SYTL2: variants seen among roughly 807,000 people sequenced by gnomAD.
The protein encoded by SYTL2 is synaptotagmin like 2.
SYTL2 carries 165 observed loss-of-function variants against 198.7 expected under a neutral mutation model. The ratio of observed to expected loss-of-function variants is 0.83; its 90% CI spans 0.73 to 0.94. The LOEUF (loss-of-function observed/expected upper bound fraction) is 0.94. SYTL2 is among the 40% of genes least tolerant of loss of function. SYTL2 has a pLI of 0.00. For synonymous variants in SYTL2, 966 were observed against 917.7 expected, an observed-to-expected ratio of 1.05 and a Z score of -0.95; for missense variants, 2,835 against 2,582.8, an observed-to-expected ratio of 1.10 and a Z score of -2.12.
At chr11:85,717,808 A>C in intron 10 of SYTL2, 1 of 482,458 alleles carries the variant, frequency 2.1e-6, no homozygotes, top group Non-Finnish European at 4.0e-6. Flanking sequence ...GGAGCACTGG[A>C]CTAGGAGTAA....
At chr11:85,820,696 A>C in the SYTL2 span, among the ~76,000 whole-genome samples, 1 of 152,232 alleles carries the variant, frequency 6.6e-6, no homozygotes, top group African/African-American at 2.4e-5. Flanking sequence ...ATCAATCAGT[A>C]AGTATTGATA....
intron 1 of SYTL2, among the ~76,000 whole-genome samples, chr11:85,781,914 G>A (rs1417826864): frequency 6.6e-6 from 1 of 152,206 alleles, no homozygotes; most frequent in Admixed American, 6.5e-5. Context: ...AGTGTCTACA[G>A]CTTTTCCAGG....
At chr11:85,812,601 A>G (rs1311926310), upstream of SYTL2, among the ~76,000 whole-genome samples, 1 of 152,254 alleles carries the variant, frequency 6.6e-6, no homozygotes, top group Admixed American at 6.5e-5. Flanking sequence ...AATAAAAAAT[A>G]CAAATGTGAC....
At chr11:85,733,344 A>C (rs1240563545) in intron 7 of SYTL2, among the ~76,000 whole-genome samples, 1 of 152,198 alleles carries the variant, frequency 6.6e-6, no homozygotes, top group East Asian at 1.9e-4. Context: ...TTAACTAAAA[A>C]CATTGTCATT....
intron 18 of SYTL2, chr11:85,696,637 G>A (rs2083449894): frequency 2.0e-6 from 1 of 508,584 alleles, no homozygotes; most frequent in Non-Finnish European, 3.5e-6. Flanking sequence ...TGCATTTTAG[G>A]GAAAGTTACT....
intron 1 of SYTL2, among the ~76,000 whole-genome samples, chr11:85,787,777 A>C (rs1187083159): frequency 1.4e-5 from 2 of 143,804 alleles, no homozygotes; most frequent in Non-Finnish European, 3.0e-5. Flanking sequence ...ATGGAGGAAG[A>C]CACCTGAAAA....
chr11:85,706,360 C>A (rs925707420), intron 15 of SYTL2, among the ~76,000 whole-genome samples: 9 of 152,180 alleles, frequency 5.9e-5, no homozygotes, highest in African/African-American at 2.2e-4. Context: ...TGGTCCCTAC[C>A]CTCATGGAAC....
At chr11:85,748,780 G>T (rs112497686) in intron 2 of SYTL2, among the ~76,000 whole-genome samples, 1 of 152,170 alleles carries the variant, frequency 6.6e-6, no homozygotes, top group African/African-American at 2.4e-5. Flanking sequence ...TTCCTTATCC[G>T]TAAAAAAGCA....
chr11:85,735,037 C>T (rs61908787), intron 6 of SYTL2, among the ~76,000 whole-genome samples: 1 of 152,088 alleles, frequency 6.6e-6, no homozygotes, highest in South Asian at 2.1e-4. Flanking sequence ...CTGATGTAAA[C>T]GATGTACTTT....
chr11:85,695,027 T>C lies in SYTL2; in HGVS notation c.*168A>G. On this transcript the variant is annotated 3_prime_UTR_variant, in exon 20 of 20. Coordinates refer to ENST00000359152, the MANE Select transcript of SYTL2 (RefSeq NM_206927.4). ...CACATTTTGTTATATTTAAATCCCT[T>C]GGGCCTTGTAATCAAAGAAGCACAT... 1.9e-6 allele frequency: 1 copy of C among 539,272 alleles called. No individual in the cohort carries two copies. Among genetic ancestry groups the C allele is most frequent in the East Asian group, 3.0e-5 (1 of 33,644 alleles). 33.4% of individuals were successfully genotyped at this position (539,272 alleles called of 1,614,324 possible).
At chr11:85,699,465 T>A (rs1362729169) in intron 17 of SYTL2, among the ~76,000 whole-genome samples, 4 of 152,158 alleles carry the variant, frequency 2.6e-5, no homozygotes, top group Non-Finnish European at 5.9e-5. Context: ...ACAAATTATA[T>A]GCAAAAGAAT....
chr11:85,830,416 T>C, the SYTL2 span, among the ~76,000 whole-genome samples: 2 of 152,318 alleles, frequency 1.3e-5, no homozygotes, highest in African/African-American at 2.4e-5. Context: ...TACACATTCA[T>C]TGACACCTTG....
the SYTL2 span, among the ~76,000 whole-genome samples, chr11:85,842,937 A>T: frequency 6.6e-6 from 1 of 152,178 alleles, no homozygotes; most frequent in African/African-American, 2.4e-5. Context: ...AACAAATATC[A>T]TCCAAAATAC....
At position 85,757,701 on chromosome 11, in the gene SYTL2, C is replaced by T; in HGVS notation, c.25G>A (p.Glu9Lys). 4 of 1,613,434 alleles carry T rather than the reference C, an allele frequency of 2.5e-6. No homozygotes were observed. Among genetic ancestry groups the T allele is most frequent in the Non-Finnish European group, 3.4e-6 (4 of 1,179,928 alleles). The change falls in exon 2 of 20, where the codon GAA becomes AAA. Residue 9 changes from glutamate (E) to lysine (K), a missense_variant. Physicochemically the swap from Glu to Lys is moderately conservative, Grantham distance 56 (BLOSUM62 1). Transcript: ENST00000359152. ...TTCATGATGGCCTCTTGTTCCTCTT[C>T]AGTCAGGAAGCTTAAGTCAATCATT... MIDLSFLTEEEQEAIMKVL... is the reference protein window; with the variant it reads MIDLSFLTKEEQEAIMKVL...
intron 1 of SYTL2, among the ~76,000 whole-genome samples, chr11:85,806,170 T>C (rs1382638942): frequency 6.6e-6 from 1 of 152,258 alleles, no homozygotes; most frequent in Non-Finnish European, 1.5e-5. Flanking sequence ...TGCCAGGCTA[T>C]GTGGATACAG....
intron 2 of SYTL2, among the ~76,000 whole-genome samples, chr11:85,755,088 G>T (rs2091782953): frequency 1.3e-5 from 2 of 152,108 alleles, no homozygotes; most frequent in African/African-American, 2.4e-5. Context: ...AAACAGCAAT[G>T]GAATGGAAAA....
chr11:85,853,423 G>A, the SYTL2 span: 635 of 400,496 alleles, frequency 1.6e-3, 3 homozygotes, highest in Non-Finnish European at 1.9e-3. Context: ...GATTAAGGGC[G>A]GTGCAAGATG....
At chr11:85,755,645 A>T (rs951661283) in intron 2 of SYTL2, among the ~76,000 whole-genome samples, 1 of 152,148 alleles carries the variant, frequency 6.6e-6, no homozygotes, top group Non-Finnish European at 1.5e-5. Flanking sequence ...AGAACTTTGC[A>T]TTTTTTGAGG....
intron 4 of SYTL2, among the ~76,000 whole-genome samples, chr11:85,739,601 G>C (rs1045823725): frequency 3.3e-5 from 5 of 152,100 alleles, no homozygotes; most frequent in African/African-American, 1.2e-4. Flanking sequence ...ATACTATAAT[G>C]TTTTGCTTGT....
Sources: allele counts gnomAD v4.1 joint callset (sites outside exome capture counted in the v4.1 genomes callset), GRCh38; gene constraint gnomAD v4.1.1; transcripts MANE v1.5; gene names NCBI Gene and HGNC (gene_info 2026-07-23, HGNC 2026-07-21).